The following ACOT8 variants were observed in gnomAD, a reference collection of about 807,000 sequenced individuals.
The protein encoded by ACOT8 is acyl-coenzyme A thioesterase 8.
In ACOT8, 31 loss-of-function variants were observed where a neutral mutation model predicts 38.4. The observed-to-expected ratio is 0.81, with a 90% CI of 0.61 to 1.09. The LOEUF (loss-of-function observed/expected upper bound fraction) is 1.09. Ranked by LOEUF, ACOT8 falls within the 50% of genes least tolerant of loss-of-function variation. The pLI is 0.00. For synonymous variants in ACOT8, 158 were observed against 170.3 expected, an observed-to-expected ratio of 0.93 and a Z score of 0.56; for missense variants, 373 against 421.8, an observed-to-expected ratio of 0.88 and a Z score of 1.01.
chr20:45,850,156 G>A (rs1166232596), intron 2 of ACOT8, among the ~76,000 whole-genome samples: 1 of 152,178 alleles, frequency 6.6e-6, no homozygotes, highest in Admixed American at 6.5e-5. Flanking sequence ...GCTATGGCAG[G>A]AGAACTGCTT....
At chr20:45,851,537 G>A (rs1363277191) in intron 2 of ACOT8, among the ~76,000 whole-genome samples, 1 of 152,166 alleles carries the variant, frequency 6.6e-6, no homozygotes, top group East Asian at 1.9e-4. Flanking sequence ...AGGCCCTGAG[G>A]CATATTGAAG....
chr20:45,855,343 T>C (rs988211439), intron 1 of ACOT8, 51 bp from the exon 2 acceptor site: 1 of 1,603,646 alleles, frequency 6.2e-7, no homozygotes, highest in African/African-American at 1.3e-5. Flanking sequence ...GGCCAAATTC[T>C]ACTACCCTCA....
rs1007087232 is a variant in ACOT8 at position 45,842,163 on chromosome 20, G to T, written c.842-207C>A. The T allele has an allele frequency of 2.2e-5, 33 of 1,520,084 alleles. 1 individual carries two copies. The Middle Eastern group carries it at 7.0e-4, about 32-fold the overall frequency. The allele number at this position is 1,520,084 out of a possible 1,614,324, so 94.2% of individuals were successfully genotyped here. On this transcript the variant is annotated intron_variant, in intron 5 of 5. Transcript: ENST00000217455. ...ACCTCCAAGTGGACTTCTTGCAAAG[G>T]GTCTGGCCCAGGGCAGGGCTGCCCC...
In ACOT8 at chr20:45,855,177, A is replaced by C. The variant is rs1985330818; in HGVS notation, c.244T>G (p.Cys82Gly). ...GGTTTACCTGCCCGAACAAAGTAGCAGTGCAGGGAGTGCACGTGGACGTCT... is the reference window on the plus strand; with the variant it reads ...GGTTTACCTGCCCGAACAAAGTAGCCGTGCAGGGAGTGCACGTGGACGTCT... ...SEDVHVHSLH[C>G]YFVRAGDPKL... The change falls in exon 2 of 6, where the codon TGC becomes GGC. Residue 82 changes from cysteine (C) to glycine (G), a missense_variant. Transcript: ENST00000217455. 6.2e-7 allele frequency: 1 copy of C among 1,614,060 alleles called. No homozygotes were observed. The highest frequency in any genetic ancestry group is 2.2e-5 in the East Asian group (1 of 44,884).
At chr20:45,853,790 C>A (rs897949072) in intron 2 of ACOT8, 19 of 570,636 alleles carry the variant, frequency 3.3e-5, no homozygotes, top group Non-Finnish European at 5.0e-5. Flanking sequence ...GGGGGCCAAT[C>A]AATACTCCTC....
chr20:45,852,227 G>A (rs917418908), intron 2 of ACOT8, among the ~76,000 whole-genome samples: 1 of 151,862 alleles, frequency 6.6e-6, no homozygotes, highest in African/African-American at 2.4e-5. Context: ...GAGTACAGTA[G>A]CACGATCTCA....
At chr20:45,857,161 G>T (rs751898008) in intron 1 of ACOT8, 27 bp downstream of exon 1, 1 of 1,604,044 alleles carries the variant, frequency 6.2e-7, no homozygotes, top group Non-Finnish European at 8.5e-7. Flanking sequence ...CTAAAGGAGG[G>T]GATGCTGGGC....
chr20:45,855,706 T>C (rs1985370798), intron 1 of ACOT8, among the ~76,000 whole-genome samples: 1 of 152,098 alleles, frequency 6.6e-6, no homozygotes, highest in Non-Finnish European at 1.5e-5. Context: ...TGAGCCAAGA[T>C]CGCACCACTG....
chr20:45,856,409 G>A (rs975865247), intron 1 of ACOT8, among the ~76,000 whole-genome samples: 1 of 152,142 alleles, frequency 6.6e-6, no homozygotes, highest in Non-Finnish European at 1.5e-5. Flanking sequence ...CAGGGGGCTG[G>A]GCGCGGTGGC....
At chr20:45,846,323 C>A (rs1984682165) in intron 3 of ACOT8, among the ~76,000 whole-genome samples, 1 of 152,198 alleles carries the variant, frequency 6.6e-6, no homozygotes, top group Admixed American at 6.5e-5. Context: ...CTACAATTCA[C>A]TGCCATTGTG....
Position 45,855,307 on chromosome 20 carries a change from G to A in ACOT8, c.129-15C>T. 3.1e-6 allele frequency: 5 copies of A among 1,613,492 alleles called. No homozygotes were observed. The highest frequency in any genetic ancestry group is 1.3e-5 in the African/African-American group (1 of 75,032). ...AATGCCTTCCTCTGTAGGGAGAGGG[G>A]GAAAGAGGGAAAGACTTGGGAACTG... On this transcript the variant is annotated splice_polypyrimidine_tract_variant and intron_variant, in intron 1 of 5. Transcript: ENST00000217455.
chr20:45,852,861 T>C (rs1343794743), intron 2 of ACOT8, among the ~76,000 whole-genome samples: 4 of 152,094 alleles, frequency 2.6e-5, no homozygotes, highest in Non-Finnish European at 4.4e-5. Context: ...CTCCGCCTCC[T>C]GAGTTCAAGC....
intron 5 of ACOT8, 161 bp downstream of exon 5, chr20:45,843,366 A>G: frequency 1.0e-6 from 1 of 953,042 alleles, no homozygotes; most frequent in Non-Finnish European, 1.6e-6. Flanking sequence ...TCCCGGCCTC[A>G]CCCTCTCATT....
In ACOT8 at chr20:45,855,313, A is replaced by T. The variant is rs200445798; in HGVS notation, c.129-21T>A. On this transcript the variant is annotated intron_variant, in intron 1 of 5. Transcript: ENST00000217455. ...TTCCTCTGTAGGGAGAGGGGGAAAG[A>T]GGGAAAGACTTGGGAACTGGGCCAA... 8 of 1,613,486 alleles carry T rather than the reference A, an allele frequency of 5.0e-6. No homozygotes were observed. In the East Asian group the frequency reaches 1.3e-4, roughly 27 times the overall value.
At chr20:45,849,480 T>C (rs1984929618) in intron 2 of ACOT8, among the ~76,000 whole-genome samples, 1 of 151,406 alleles carries the variant, frequency 6.6e-6, no homozygotes, top group African/African-American at 2.4e-5. Flanking sequence ...AGAGACAGTT[T>C]CGCTGGGTCA....
intron 5 of ACOT8, chr20:45,842,797 A>G: frequency 1.0e-6 from 1 of 990,682 alleles, no homozygotes; most frequent in Non-Finnish European, 1.2e-6. Context: ...AAGGTTATCA[A>G]TCTTGGATTG....
In ACOT8 at chr20:45,843,640, T is replaced by C. The variant is rs1984437267; in HGVS notation, c.728A>G (p.His243Arg). Residue 243 changes from histidine (H) to arginine (R), a missense_variant, in exon 5 of 6, where the codon CAC becomes CGC. Coordinates refer to ENST00000217455, the MANE Select transcript of ACOT8 (RefSeq NM_005469.4). ...GAAGTGCACCTTGTGCTGCCACTGG[T>C]GAGGCAGCAGTGCAGTGCCCAAGAA... ...YAFLGTALLP[H>R]QWQHKVHFMV... 6.2e-7 allele frequency: 1 copy of C among 1,613,580 alleles called. No individual in the cohort carries two copies.
chr20:45,848,078 C>G (rs1984805863), intron 3 of ACOT8: 1 of 156,714 alleles, frequency 6.4e-6, no homozygotes, highest in African/African-American at 2.4e-5. Flanking sequence ...CCAGCCCCAG[C>G]CTTATTTTTA....
intron 1 of ACOT8, among the ~76,000 whole-genome samples, chr20:45,856,617 T>A (rs953808100): frequency 1.3e-5 from 2 of 150,984 alleles, no homozygotes; most frequent in African/African-American, 4.9e-5. Context: ...GAGGCGGAGG[T>A]TGCACTGAGC....
Sources: allele counts gnomAD v4.1 joint callset (sites outside exome capture counted in the v4.1 genomes callset), GRCh38; gene constraint gnomAD v4.1.1; transcripts MANE v1.5; gene names NCBI Gene and HGNC (gene_info 2026-07-23, HGNC 2026-07-21).